The following NRCAM variants were observed in gnomAD, a reference collection of about 807,000 sequenced individuals.
NRCAM encodes the protein neuronal cell adhesion molecule, also known as NgCAM-related cell adhesion molecule.
A neutral mutation model predicts 156.5 loss-of-function variants in NRCAM; 83 were observed. That is an observed-to-expected ratio of 0.53 (90% CI 0.44 to 0.64). NRCAM has a LOEUF of 0.64. Ranked by LOEUF, NRCAM falls within the 30% of genes least tolerant of loss-of-function variation. The pLI is 0.00. For synonymous variants in NRCAM, 538 were observed against 563.9 expected, an observed-to-expected ratio of 0.95 and a Z score of 0.65; for missense variants, 1,417 against 1,597.3, an observed-to-expected ratio of 0.89 and a Z score of 1.92.
chr7:108,308,966 ATT>A (rs2098759088), intron 3 of NRCAM, among the ~76,000 whole-genome samples: 2 of 152,236 alleles, frequency 1.3e-5, no homozygotes, highest in Admixed American at 1.3e-4. Context: ...AATGTTGCAC[ATT>A]GAATTTAATA....
intron 1 of NRCAM, among the ~76,000 whole-genome samples, chr7:108,404,454 G>T (rs953799598): frequency 4.6e-5 from 7 of 152,086 alleles, no homozygotes; most frequent in African/African-American, 1.7e-4. Context: ...TACTGAAAAC[G>T]TCGTTTTTCT....
intron 1 of NRCAM, among the ~76,000 whole-genome samples, chr7:108,411,696 AT>A (rs1416425857): frequency 6.6e-6 from 1 of 151,610 alleles, no homozygotes; most frequent in Non-Finnish European, 1.5e-5. Flanking sequence ...CGCCCGGCTA[AT>A]TTTTTTTGTA....
chr7:108,412,914 A>G lies in NRCAM; in HGVS notation c.-331-13321T>C, dbSNP rs556524542. Among the ~76,000 whole-genome samples, 9 of 152,332 alleles carry G rather than the reference A, an allele frequency of 5.9e-5. No individual in the cohort carries two copies. The South Asian group carries it at 1.7e-3, about 28-fold the overall frequency. ...ATGGCTATATAGTATTCTATTGTATATATAGACTGCATTTTCTTTATCCAT... is the reference window on the plus strand; with the variant it reads ...ATGGCTATATAGTATTCTATTGTATGTATAGACTGCATTTTCTTTATCCAT... On this transcript the variant is annotated intron_variant, in intron 1 of 32. Coordinates refer to ENST00000379028, the MANE Select transcript of NRCAM (RefSeq NM_001037132.4).
At chr7:108,150,995 G>T (rs1468595172) in intron 32 of NRCAM, among the ~76,000 whole-genome samples, 2 of 152,088 alleles carry the variant, frequency 1.3e-5, no homozygotes, top group Non-Finnish European at 2.9e-5. Flanking sequence ...CTTCTTCCTT[G>T]TGTGTTATGC....
intron 31 of NRCAM, 84 bp from the exon 32 acceptor site, chr7:108,159,625 C>A: frequency 9.9e-7 from 1 of 1,013,148 alleles, no homozygotes. Context: ...TTGAGATATA[C>A]AGCAGTGAAA....
In NRCAM at chr7:108,191,821, G is replaced by A. The variant is rs982472797; in HGVS notation, c.1811C>T (p.Ala604Val). ...CCCGCTGTCATCGTCACTGACATCA[G>A]CTACCACTAGATGATCCTTGTCAAC... ...FTVDKDHLVV[A>V]DVSDDDSGTY... The change falls in exon 18 of 33, where the codon GCT (alanine) becomes GTT (valine). Residue 604 changes from alanine to valine, a missense_variant. Transcript: ENST00000379028. 1.4e-5 allele frequency: 22 copies of A among 1,613,238 alleles called. No individual in the cohort carries two copies. The African/African-American group carries it at 2.8e-4, about 21-fold the overall frequency.
intron 27 of NRCAM, 42 bp downstream of exon 27, chr7:108,176,388 T>C (rs752689383): frequency 5.2e-6 from 8 of 1,547,168 alleles, no homozygotes; most frequent in Admixed American, 3.4e-5. Context: ...TTTTATTTCA[T>C]GATGCTTATA....
intron 3 of NRCAM, among the ~76,000 whole-genome samples, chr7:108,311,197 T>C (rs764659216): frequency 4.7e-4 from 71 of 152,212 alleles, no homozygotes; most frequent in Non-Finnish European, 8.4e-4. Flanking sequence ...GACAATATAT[T>C]ATCTACGAAA....
At chr7:108,243,983 A>C (rs547858202) in intron 3 of NRCAM, among the ~76,000 whole-genome samples, 8 of 152,344 alleles carry the variant, frequency 5.3e-5, no homozygotes, top group Admixed American at 3.3e-4. Context: ...TATGTATTTC[A>C]AAAGAAAACC....
At chr7:108,357,636 G>C (rs1262582110) in intron 2 of NRCAM, among the ~76,000 whole-genome samples, 1 of 152,026 alleles carries the variant, frequency 6.6e-6, no homozygotes. Context: ...CGGCCAAGTG[G>C]GGCCAACATT....
chr7:108,183,273 T>C (rs2064542007), intron 22 of NRCAM, among the ~76,000 whole-genome samples: 1 of 140,602 alleles, frequency 7.1e-6, no homozygotes, highest in Non-Finnish European at 1.6e-5. Context: ...TCATTGTCCA[T>C]TTTATTTGCA....
rs557716585 is a variant in NRCAM, at chr7:108,228,090, G to A, written c.551-1712C>T. Among the ~76,000 whole-genome samples, 3 of 152,300 alleles carry A rather than the reference G, an allele frequency of 2.0e-5. No individual in the cohort carries two copies. The East Asian group carries it at 5.8e-4, about 29-fold the overall frequency. On this transcript the variant is annotated intron_variant, in intron 8 of 32. Transcript: ENST00000379028. ...TAATCCCAGCACTTTGGGAGGCCAA[G>A]GTGGGTGGATCACCTGAGGTGAGGA...
intron 1 of NRCAM, among the ~76,000 whole-genome samples, chr7:108,406,971 C>G (rs1271819658): frequency 6.6e-6 from 1 of 152,148 alleles, no homozygotes; most frequent in East Asian, 1.9e-4. Flanking sequence ...GGAATTTCTG[C>G]AGCTGATGTT....
intron 1 of NRCAM, among the ~76,000 whole-genome samples, chr7:108,424,291 G>A (rs1277261162): frequency 6.6e-6 from 1 of 152,138 alleles, no homozygotes; most frequent in Non-Finnish European, 1.5e-5. Flanking sequence ...TAGTCTTCCT[G>A]GTGAAATAAC....
chr7:108,433,236 C>T (rs1827929851), intron 1 of NRCAM, among the ~76,000 whole-genome samples: 1 of 152,110 alleles, frequency 6.6e-6, no homozygotes, highest in African/African-American at 2.4e-5. Flanking sequence ...ATTGCACGCC[C>T]CCACCCCGCA....
chr7:108,336,656 T>C (rs2099195757), intron 2 of NRCAM, among the ~76,000 whole-genome samples: 4 of 152,222 alleles, frequency 2.6e-5, no homozygotes, highest in African/African-American at 4.8e-5. Flanking sequence ...CCTAATTCTA[T>C]AGAGATCTAC....
intron 3 of NRCAM, among the ~76,000 whole-genome samples, chr7:108,269,873 A>G (rs2097275259): frequency 6.6e-6 from 1 of 152,228 alleles, no homozygotes; most frequent in African/African-American, 2.4e-5. Flanking sequence ...CAAGGAGTAA[A>G]TGAAATTTTC....
intron 27 of NRCAM, among the ~76,000 whole-genome samples, chr7:108,175,701 G>A (rs755205589): frequency 6.6e-6 from 1 of 152,128 alleles, no homozygotes; most frequent in Non-Finnish European, 1.5e-5. Flanking sequence ...ATCAAAGATA[G>A]TCAAATGAAT....
chr7:108,225,645 C>T lies in NRCAM; in HGVS notation c.778G>A (p.Ala260Thr), dbSNP rs139922949. ...ANLSDTEFYGAKSSRERPPTF... is the reference protein window; with the variant it reads ...ANLSDTEFYGTKSSRERPPTF... ...ATCAGTTACAATCACCATAACTCAC[C>T]ACCATAAAACTCAGTGTCACTCAAA... Residue 260 changes from alanine (A) to threonine (T), a missense_variant and splice_region_variant, in exon 10 of 33, where the codon GCT becomes ACT. This residue lies in a region of NRCAM where 1,238 missense variants were observed against 1,336.4 expected (regional missense o/e 0.93). Transcript: ENST00000379028. 1,464 of 1,574,346 alleles carry T rather than the reference C, an allele frequency of 9.3e-4. 1 individual carries two copies. The highest frequency in any genetic ancestry group is 9.3e-4 in the Non-Finnish European group (1,059 of 1,144,178).
Sources: allele counts gnomAD v4.1 joint callset (sites outside exome capture counted in the v4.1 genomes callset), GRCh38; gene constraint gnomAD v4.1.1; regional missense constraint gnomAD v4.1.1; transcripts MANE v1.5; gene names NCBI Gene and HGNC (gene_info 2026-07-23, HGNC 2026-07-21).